The following KIAA0513 variants were observed in gnomAD, a reference collection of about 807,000 sequenced individuals.
KIAA0513 encodes uncharacterized protein KIAA0513.
KIAA0513 carries 39 observed loss-of-function variants against 56.5 expected under a neutral mutation model. That is an observed-to-expected ratio of 0.69 (90% CI 0.53 to 0.90). KIAA0513 has a LOEUF of 0.90. KIAA0513 is among the 40% of genes least tolerant of loss of function. KIAA0513 has a pLI of 0.00. For synonymous variants in KIAA0513, 268 were observed against 215.6 expected, an observed-to-expected ratio of 1.24 and a Z score of -2.13; for missense variants, 591 against 535.2, an observed-to-expected ratio of 1.10 and a Z score of -1.03.
chr16:85,028,454 G>T (rs963871235), intron 1 of KIAA0513, among the ~76,000 whole-genome samples: 2 of 152,292 alleles, frequency 1.3e-5, no homozygotes, highest in South Asian at 4.1e-4. Context: ...TCTTCCCTCT[G>T]CTCTTGATGG....
intron 1 of KIAA0513, among the ~76,000 whole-genome samples, chr16:85,030,563 G>A (rs1379403603): frequency 4.0e-5 from 6 of 151,786 alleles, no homozygotes; most frequent in African/African-American, 1.2e-4. Flanking sequence ...CTTGGGCAAC[G>A]TGGTGAAACC....
rs1383281121 is a variant in KIAA0513 at position 85,090,550 on chromosome 16, C to CT, written c.*2231dup. On this transcript the variant is annotated 3_prime_UTR_variant, in exon 13 of 13. Coordinates refer to ENST00000683363, the MANE Select transcript of KIAA0513 (RefSeq NM_001388359.1). Reference sequence around the variant, plus strand: ...TTTAACTTCAGAAATGGTCTTGACACTTTTTTCTCCACATAGACTCTTGAA... The same window carrying CT: ...TTTAACTTCAGAAATGGTCTTGACACTTTTTTTCTCCACATAGACTCTTGAA... The CT allele has an allele frequency of 6.6e-6, 1 of 152,204 alleles. No individual in the cohort carries two copies. Among genetic ancestry groups the CT allele is most frequent in the South Asian group, 2.1e-4 (1 of 4,830 alleles). The allele number at this position is 152,204 out of a possible 1,614,324, so 9.4% of individuals were successfully genotyped here.
rs2073748460 is a variant in KIAA0513, at chr16:85,081,822, C to A, written c.980+430C>A. On this transcript the variant is annotated intron_variant, in intron 9 of 12. Transcript: ENST00000683363. The surrounding 1 kb of genome is among the most constrained non-coding windows in gnomAD (Gnocchi z 4.4). ...TGGGGAATGCAGTTGCCGCTCGCAACTCACCTCTTGGGTCTGCAGCCTGAG... is the reference window on the plus strand; with the variant it reads ...TGGGGAATGCAGTTGCCGCTCGCAAATCACCTCTTGGGTCTGCAGCCTGAG... 6.6e-6 allele frequency among the ~76,000 whole-genome samples: 1 copy of A among 152,198 alleles called. No individual in the cohort carries two copies. The highest frequency in any genetic ancestry group is 1.5e-5 in the Non-Finnish European group (1 of 68,026).
chr16:85,085,622 G>T (rs542061709), intron 10 of KIAA0513, among the ~76,000 whole-genome samples: 12 of 152,272 alleles, frequency 7.9e-5, no homozygotes, highest in Non-Finnish European at 1.2e-4. Flanking sequence ...AGTTGTGTAA[G>T]GGTCGGGGAG....
At chr16:85,071,912 GT>G in intron 3 of KIAA0513, 30 bp downstream of exon 3, 1 of 1,394,262 alleles carries the variant, frequency 7.2e-7, no homozygotes, top group Non-Finnish European at 1.0e-6. Context: ...AAGGATGGGC[GT>G]TTACTCTCAA....
At chr16:85,062,516 TG>T (rs2073420893) in intron 1 of KIAA0513, among the ~76,000 whole-genome samples, 1 of 152,178 alleles carries the variant, frequency 6.6e-6, no homozygotes, top group Non-Finnish European at 1.5e-5. Flanking sequence ...GATTCCCCTG[TG>T]GCCAAAAACA....
intron 1 of KIAA0513, among the ~76,000 whole-genome samples, chr16:85,034,793 T>C (rs959718016): frequency 6.6e-6 from 1 of 152,142 alleles, no homozygotes; most frequent in African/African-American, 2.4e-5. Context: ...ATTTCACAGA[T>C]GAGAAAACTG....
chr16:85,077,722 G>A (rs1377998424), intron 6 of KIAA0513, 90 bp downstream of exon 6: 6 of 943,808 alleles, frequency 6.4e-6, no homozygotes, highest in Non-Finnish European at 9.6e-6. Context: ...GAGGGTGCGG[G>A]TGAGGCCCAG....
intron 1 of KIAA0513, among the ~76,000 whole-genome samples, chr16:85,038,743 G>C (rs945430776): frequency 1.4e-5 from 2 of 145,846 alleles, no homozygotes; most frequent in African/African-American, 5.3e-5. Context: ...TAATATCTTT[G>C]TTGATAGATT....
chr16:85,067,540 C>T, intron 2 of KIAA0513, 140 bp downstream of exon 2: 1 of 659,498 alleles, frequency 1.5e-6, no homozygotes, highest in East Asian at 2.7e-5. Flanking sequence ...GGGGTGGCGA[C>T]TGCAGGGGCC....
chr16:85,054,492 C>A (rs1356869127), intron 1 of KIAA0513, among the ~76,000 whole-genome samples: 5 of 147,740 alleles, frequency 3.4e-5, no homozygotes, highest in African/African-American at 1.3e-4. Context: ...GTGCAGTGGC[C>A]ACATCTCGGC....
At chr16:85,039,992 G>T (rs897154891) in intron 1 of KIAA0513, among the ~76,000 whole-genome samples, 9 of 151,256 alleles carry the variant, frequency 6.0e-5, no homozygotes, top group Admixed American at 2.0e-4. Context: ...GTGCCACCGC[G>T]CCTGGCTAAT....
intron 1 of KIAA0513, among the ~76,000 whole-genome samples, chr16:85,038,303 G>A (rs2073061303): frequency 1.3e-5 from 2 of 152,250 alleles, no homozygotes; most frequent in Non-Finnish European, 1.5e-5. Flanking sequence ...CTTGCTGCCA[G>A]CCGCCTTCCC....
intron 1 of KIAA0513, chr16:85,063,812 A>G (rs1179386118): frequency 2.6e-5 from 4 of 151,694 alleles, no homozygotes; most frequent in Admixed American, 2.6e-4. Flanking sequence ...GTAAAATTAA[A>G]TTTCTCTCAC....
At chr16:85,082,144 G>T (rs1876829000) in intron 9 of KIAA0513, among the ~76,000 whole-genome samples, 1 of 152,228 alleles carries the variant, frequency 6.6e-6, no homozygotes, top group South Asian at 2.1e-4. Flanking sequence ...GCTGTTGGGG[G>T]GAAGACTCGA....
chr16:85,033,946 C>T (rs138903082), intron 1 of KIAA0513, among the ~76,000 whole-genome samples: 1 of 152,222 alleles, frequency 6.6e-6, no homozygotes, highest in East Asian at 1.9e-4. Context: ...TTCCAGAGAT[C>T]CAGTGTCCTT....
chr16:85,068,414 G>A (rs1263974910), intron 2 of KIAA0513, among the ~76,000 whole-genome samples: 6 of 150,370 alleles, frequency 4.0e-5, no homozygotes, highest in African/African-American at 1.5e-4. Context: ...CTCACTGCAA[G>A]GTCCGCCTCC....
chr16:85,085,197 G>C (rs997723289), intron 10 of KIAA0513, among the ~76,000 whole-genome samples: 2 of 152,212 alleles, frequency 1.3e-5, no homozygotes, highest in African/African-American at 4.8e-5. Context: ...GGAAGGAAAT[G>C]GGATGGGACT....
rs186748857 is a variant in KIAA0513 at position 85,075,781 on chromosome 16, A to T, written c.504-63A>T. The T allele has an allele frequency of 2.0e-6, 3 of 1,470,758 alleles. No homozygotes were observed. In the East Asian group the frequency reaches 6.8e-5, roughly 33 times the overall value. The allele number at this position is 1,470,758 out of a possible 1,614,324, so 91.1% of individuals were successfully genotyped here. On this transcript the variant is annotated intron_variant, in intron 4 of 12. Coordinates refer to ENST00000683363, the MANE Select transcript of KIAA0513 (RefSeq NM_001388359.1). ...GTGTCAAGTGTCTCAGTGATGTCTG[A>T]CCGACTTGCAGGAAGAAGCAGGTGG...
Sources: allele counts gnomAD v4.1 joint callset (sites outside exome capture counted in the v4.1 genomes callset), GRCh38; gene constraint gnomAD v4.1.1; non-coding constraint Gnocchi (gnomAD v3.1); transcripts MANE v1.5; gene names NCBI Gene and HGNC (gene_info 2026-07-23, HGNC 2026-07-21).